Variants in LSAMP observed in about 807,000 individuals in gnomAD.
LSAMP encodes limbic system associated membrane protein.
A neutral mutation model predicts 38.6 loss-of-function variants in LSAMP; 7 were observed. That is an observed-to-expected ratio of 0.18 (90% confidence interval 0.10 to 0.34). LSAMP has a LOEUF of 0.34. Ranked by LOEUF, LSAMP falls within the 10% of genes least tolerant of loss-of-function variation. The probability of loss-of-function intolerance (pLI) is 1.00; values close to 1 mark genes in which losing one functional copy is unlikely to be tolerated. For synonymous variants in LSAMP, 154 were observed against 166.8 expected (o/e 0.92, Z 0.59); for missense variants, 313 against 420.0 (o/e 0.75, Z 2.23).
At chr3:116,160,758 GAAGCAGTCT>G (rs1709870323) in intron 1 of LSAMP, among the ~76,000 whole-genome samples, 1 of 152,174 alleles carries the variant, frequency 6.6e-6, no homozygotes, top group South Asian at 2.1e-4. Context: ...CATACTCTAT[GAAGCAGTCT>G]GAAACTTCAT....
intron 3 of LSAMP, among the ~76,000 whole-genome samples, chr3:115,942,669 T>A (rs1226248684): frequency 6.6e-6 from 1 of 152,222 alleles, no homozygotes; most frequent in Non-Finnish European, 1.5e-5. Context: ...CTAATGTTGT[T>A]AAAATGCATA....
chr3:116,137,028 C>T (rs1211625720), intron 1 of LSAMP, among the ~76,000 whole-genome samples: 4 of 152,022 alleles, frequency 2.6e-5, no homozygotes. Context: ...GGGAAGAATC[C>T]TTCTTTGTCT....
At chr3:116,021,217 CTA>C (rs1345516833) in intron 2 of LSAMP, among the ~76,000 whole-genome samples, 1 of 152,064 alleles carries the variant, frequency 6.6e-6, no homozygotes, top group Non-Finnish European at 1.5e-5. Context: ...CTCCCTTTAG[CTA>C]TTGGGGTTAA....
intron 1 of LSAMP, among the ~76,000 whole-genome samples, chr3:116,203,077 A>G (rs2046009989): frequency 1.3e-5 from 2 of 152,330 alleles, no homozygotes; most frequent in Admixed American, 1.3e-4. Flanking sequence ...TCTACAAATA[A>G]TAAGAGCTTT....
At chr3:116,358,541 T>A (rs139428474) in intron 1 of LSAMP, among the ~76,000 whole-genome samples, 2 of 152,216 alleles carry the variant, frequency 1.3e-5, no homozygotes, top group Non-Finnish European at 2.9e-5. Context: ...TTATGCAAAG[T>A]TACATCTGAT....
chr3:116,153,757 T>A (rs1709677440), intron 1 of LSAMP, among the ~76,000 whole-genome samples: 1 of 152,250 alleles, frequency 6.6e-6, no homozygotes, highest in African/African-American at 2.4e-5. Flanking sequence ...TAAATTACAA[T>A]ATCTACAGTA....
chr3:116,308,534 C>T (rs2047515209), intron 1 of LSAMP, among the ~76,000 whole-genome samples: 1 of 152,030 alleles, frequency 6.6e-6, no homozygotes, highest in Admixed American at 6.6e-5. Context: ...CTGTGACTTC[C>T]AAAGGTTCAG....
chr3:116,138,839 T>C (rs1709310069), intron 1 of LSAMP, among the ~76,000 whole-genome samples: 2 of 150,346 alleles, frequency 1.3e-5, no homozygotes, highest in South Asian at 2.1e-4. Context: ...TTTTTTTCCA[T>C]TTTAGCTTGG....
chr3:115,890,303 AC>A, intron 3 of LSAMP, among the ~76,000 whole-genome samples: 1 of 152,032 alleles, frequency 6.6e-6, no homozygotes, highest in East Asian at 1.9e-4. Flanking sequence ...AATTACAGTG[AC>A]CTAACAGATA....
chr3:115,939,585 T>TTTCTTTCTCTTTCTTTC (rs58450242), intron 3 of LSAMP, among the ~76,000 whole-genome samples: 4 of 150,202 alleles, frequency 2.7e-5, no homozygotes, highest in Admixed American at 6.7e-5. Context: ...TCTTTCTTTC[T>TTTCTTTCTCTTTCTTTC]GTTAAGAGAC....
At chr3:115,945,896 T>C (rs1005171162) in intron 3 of LSAMP, among the ~76,000 whole-genome samples, 4 of 152,176 alleles carry the variant, frequency 2.6e-5, no homozygotes, top group African/African-American at 9.7e-5. Context: ...GTTAAATCCT[T>C]TGTTAAGGCA....
intron 6 of LSAMP, 109 bp downstream of exon 6, chr3:115,841,736 T>C (rs1935002474): frequency 7.5e-7 from 1 of 1,342,220 alleles, no homozygotes; most frequent in African/African-American, 1.5e-5. Flanking sequence ...GCATATATCC[T>C]TATTTGTTTT....
At chr3:116,022,976 A>G (rs1940679501) in intron 2 of LSAMP, among the ~76,000 whole-genome samples, 1 of 152,132 alleles carries the variant, frequency 6.6e-6, no homozygotes. Flanking sequence ...CAAAAAAAGC[A>G]AAGCATCTCC....
chr3:116,256,875 T>C (rs546861905), intron 1 of LSAMP, among the ~76,000 whole-genome samples: 6 of 152,218 alleles, frequency 3.9e-5, no homozygotes, highest in East Asian at 1.9e-4. Context: ...GCAAAAGCTA[T>C]TGTTCCACAG....
chr3:115,820,198 T>G (rs1465393288), intron 6 of LSAMP, among the ~76,000 whole-genome samples: 1 of 152,128 alleles, frequency 6.6e-6, no homozygotes, highest in Non-Finnish European at 1.5e-5. Flanking sequence ...AGGGATATAA[T>G]TTTTGCAGAG....
At chr3:116,105,673 A>G (rs1039433009) in intron 1 of LSAMP, among the ~76,000 whole-genome samples, 16 of 152,296 alleles carry the variant, frequency 1.1e-4, no homozygotes, top group African/African-American at 2.6e-4. Flanking sequence ...TCATCAGTTA[A>G]GGCGGGGCAG....
chr3:115,892,103 G>A (rs577136145), intron 3 of LSAMP, among the ~76,000 whole-genome samples: 21 of 152,040 alleles, frequency 1.4e-4, no homozygotes, highest in Admixed American at 1.2e-3. Context: ...TATAAAGTCA[G>A]AAGCTGGTCA....
chr3:116,445,483 ACAGCAG>A, exon 1 of LSAMP: 7 of 415,326 alleles, frequency 1.7e-5, no homozygotes, highest in Admixed American at 3.9e-5. Flanking sequence ...AAACAGCCAC[ACAGCAG>A]CAGCAGCAGC....
intron 3 of LSAMP, among the ~76,000 whole-genome samples, chr3:115,988,533 CT>C (rs1353914269): frequency 1.3e-5 from 2 of 152,028 alleles, no homozygotes; most frequent in East Asian, 3.9e-4. Context: ...AAATTCTGGG[CT>C]TAAGTGACCC....
Sources: gnomAD v4.1 joint callset for allele counts (sites outside exome capture counted in the v4.1 genomes callset) on GRCh38, gnomAD v4.1.1 for gene constraint, MANE v1.5 for transcripts, NCBI Gene and HGNC (gene_info 2026-07-23, HGNC 2026-07-21) for gene names.